INAVA: variants seen among roughly 807,000 people sequenced by gnomAD.
The protein encoded by INAVA is innate immunity activator.
Under a neutral mutation model 55.3 loss-of-function variants are expected in INAVA, and 32 were observed. That is an observed-to-expected ratio of 0.58 (90% CI 0.44 to 0.78). The LOEUF (loss-of-function observed/expected upper bound fraction) is 0.78, where lower values mean the gene tolerates loss of function less well. INAVA is among the 30% of genes least tolerant of loss of function. INAVA has a pLI of 0.00. For missense variants in INAVA, 756 were observed against 786.4 expected, an observed-to-expected ratio of 0.96 and a Z score of 0.46; for synonymous variants, 294 against 329.4, an observed-to-expected ratio of 0.89 and a Z score of 1.16.
intron 5 of INAVA, among the ~76,000 whole-genome samples, chr1:200,905,778 C>CA (rs1293188047): frequency 1.9e-4 from 29 of 152,358 alleles, no homozygotes; most frequent in South Asian, 1.2e-3. Flanking sequence ...GACCCCTGGG[C>CA]CATAGTTTGC....
chr1:200,910,961 G>C (rs1039324300), intron 8 of INAVA, among the ~76,000 whole-genome samples: 1 of 152,042 alleles, frequency 6.6e-6, no homozygotes, highest in African/African-American at 2.4e-5. Flanking sequence ...AGTGCCTACC[G>C]AACAGATGCT....
In INAVA at chr1:200,911,944, C is replaced by T. The variant is rs1261425319; in HGVS notation, c.1451C>T (p.Pro484Leu). ...TCCCGCAGCCGCATCGTGCGGACGCCCTCCCTGAAGGACAGCCCGGCAGGC... is the reference window on the plus strand; with the variant it reads ...TCCCGCAGCCGCATCGTGCGGACGCTCTCCCTGAAGGACAGCCCGGCAGGC... ...VPSRSRIVRTPSLKDSPAGRG... is the reference protein window; with the variant it reads ...VPSRSRIVRTLSLKDSPAGRG... The change falls in exon 9 of 10, where the codon CCC becomes CTC. Residue 484 changes from proline (P) to leucine (L), a missense_variant. Coordinates refer to ENST00000413687, the MANE Select transcript of INAVA (RefSeq NM_001142569.3). 8 of 1,551,560 alleles carry T rather than the reference C, an allele frequency of 5.2e-6. No individual in the cohort carries two copies. In the South Asian group the frequency reaches 9.4e-5, roughly 18 times the overall value.
At chr1:200,894,896 G>A, upstream of INAVA, 1 of 985,726 alleles carries the variant, frequency 1.0e-6, no homozygotes, top group Non-Finnish European at 1.2e-6. Flanking sequence ...GGTTCCCCTG[G>A]CCCGGCAGCC....
Position 200,900,111 on chromosome 1 carries a change from C to A in INAVA, c.188C>A (p.Thr63Lys). ...RRLCLREAEL[T>K]GTLPAEYPLK... ...TCTCTGCTTCCTCCCCAGGAGCTGACGGGCACCTTGCCAGCGGAGTATCCC... is the reference window on the plus strand; with the variant it reads ...TCTCTGCTTCCTCCCCAGGAGCTGAAGGGCACCTTGCCAGCGGAGTATCCC... The change falls in exon 4 of 10, where the codon ACG (threonine) becomes AAG (lysine). Residue 63 changes from threonine (T) to lysine (K), a missense_variant. Physicochemically the swap from Thr to Lys is moderately conservative, Grantham distance 78 (BLOSUM62 -1). Transcript: ENST00000413687. 1 of 1,611,966 alleles carries A rather than the reference C, an allele frequency of 6.2e-7. No homozygotes were observed. The highest frequency in any genetic ancestry group is 8.5e-7 in the Non-Finnish European group (1 of 1,178,908).
rs376201031 is a variant in INAVA, at chr1:200,899,460, C to A, written c.56-13C>A. On this transcript the variant is annotated splice_polypyrimidine_tract_variant and intron_variant, in intron 2 of 9. Coordinates refer to ENST00000413687, the MANE Select transcript of INAVA (RefSeq NM_001142569.3). ...TTCAGCCTCCCTGAGCATGTGCCCC[C>A]CAACCCTTGCAGGCCCCGACAGCCC... The A allele has an allele frequency of 2.5e-6, 4 of 1,613,830 alleles. No homozygotes were observed. Among genetic ancestry groups the A allele is most frequent in the Non-Finnish European group, 3.4e-6 (4 of 1,179,990 alleles).
intron 5 of INAVA, among the ~76,000 whole-genome samples, chr1:200,904,380 G>A (rs1170403661): frequency 1.3e-5 from 2 of 152,196 alleles, no homozygotes; most frequent in East Asian, 1.9e-4. Flanking sequence ...GAGCCACTGC[G>A]CCTGGCCGCT....
In INAVA at chr1:200,899,365, G is replaced by C. The variant is rs547538799; in HGVS notation, c.56-108G>C. ...TTGTGGGCAGGCATGAGATGTGTGT[G>C]TGTGTGTGCATGTGTGTGCATGTGC... On this transcript the variant is annotated intron_variant, in intron 2 of 9. Coordinates refer to ENST00000413687, the MANE Select transcript of INAVA (RefSeq NM_001142569.3). The C allele has an allele frequency of 6.2e-4, 892 of 1,435,692 alleles. 4 individuals are homozygous for C. The African/African-American group carries it at 0.011, about 18-fold the overall frequency. The allele number at this position is 1,435,692 out of a possible 1,614,324, so 88.9% of individuals were successfully genotyped here.
chr1:200,901,598 A>G (rs1162805115), intron 5 of INAVA, among the ~76,000 whole-genome samples: 1 of 152,162 alleles, frequency 6.6e-6, no homozygotes, highest in Non-Finnish European at 1.5e-5. Context: ...CCCTGGCCTG[A>G]GTTAGGCAGC....
intron 9 of INAVA, among the ~76,000 whole-genome samples, chr1:200,912,661 G>A (rs1653801266): frequency 6.6e-6 from 1 of 152,076 alleles, no homozygotes; most frequent in Non-Finnish European, 1.5e-5. Context: ...AGACCACCAG[G>A]TTCAAATCCC....
At chr1:200,911,136 AAAAAAGT>A (rs1292193068) in intron 8 of INAVA, among the ~76,000 whole-genome samples, 17 of 19,160 alleles carry the variant, frequency 8.9e-4, no homozygotes, top group Non-Finnish European at 9.3e-4. Flanking sequence ...TAGTACTTTA[AAAAAAGT>A]ACTTAATGTA....
chr1:200,910,131 AACAC>A (rs1285521994), intron 8 of INAVA, among the ~76,000 whole-genome samples: 1 of 152,172 alleles, frequency 6.6e-6, no homozygotes, highest in African/African-American at 2.4e-5. Flanking sequence ...TCAAAGCAAA[AACAC>A]ACACAGTACA....
intron 1 of INAVA, among the ~76,000 whole-genome samples, chr1:200,897,755 G>A (rs1312699539): frequency 2.0e-5 from 3 of 152,076 alleles, no homozygotes; most frequent in African/African-American, 7.2e-5. Context: ...TCAGCCTCCT[G>A]AGTAGCTGGG....
rs1653143488 is a variant in INAVA at position 200,899,605 on chromosome 1, C to T, written c.180+8C>T. 3 of 1,611,436 alleles carry T rather than the reference C, an allele frequency of 1.9e-6. No homozygotes were observed. Among genetic ancestry groups the T allele is most frequent in the South Asian group, 1.1e-5 (1 of 90,818 alleles). ...CTCTGCCTTCGGGAAGCGGTGAGGC[C>T]CCAGCCAGCACACACAAGCATCGGG... On this transcript the variant is annotated splice_region_variant and intron_variant, in intron 3 of 9. Coordinates refer to ENST00000413687, the MANE Select transcript of INAVA (RefSeq NM_001142569.3).
Position 200,913,593 on chromosome 1 carries a change from T to C in INAVA, c.1701T>C (p.Phe567=). 1 of 1,614,090 alleles carries C rather than the reference T, an allele frequency of 6.2e-7. No individual in the cohort carries two copies. The highest frequency in any genetic ancestry group is 8.5e-7 in the Non-Finnish European group (1 of 1,180,002). Residue 567 remains phenylalanine, a synonymous_variant, in exon 10 of 10, where the codon TTT becomes TTC. Coordinates refer to ENST00000413687, the MANE Select transcript of INAVA (RefSeq NM_001142569.3). ...CTGATGGGGCCCCTGTGCAAGTCTT[T>C]GTACCTGAAAAAGGAGAGATCATCA... The part of the protein sequence containing the change: ...RSPDGAPVQV[F]VPEKGEIISQ...
intron 5 of INAVA, among the ~76,000 whole-genome samples, chr1:200,907,014 C>T (rs1653520080): frequency 6.6e-6 from 1 of 152,028 alleles, no homozygotes; most frequent in East Asian, 1.9e-4. Context: ...TTTGTAGAGA[C>T]CAGATTTCAC....
At chr1:200,908,989 T>A in intron 7 of INAVA, 49 bp downstream of exon 7, 1 of 1,564,230 alleles carries the variant, frequency 6.4e-7, no homozygotes, top group Non-Finnish European at 8.7e-7. Context: ...AGGGAGTCGG[T>A]GGGAGCTATG....
At chr1:200,891,569 T>C (rs201518657), upstream of INAVA, 113 of 1,600,340 alleles carry the variant, frequency 7.1e-5, no homozygotes, top group Non-Finnish European at 9.3e-5. Flanking sequence ...TTAAATGAAA[T>C]ACCTCCGGGG....
chr1:200,913,415 T>G, intron 9 of INAVA, 122 bp from the exon 10 acceptor site: 1 of 715,832 alleles, frequency 1.4e-6, no homozygotes, highest in Non-Finnish European at 2.4e-6. Context: ...CAGGGCCTGC[T>G]GCTGCTGCTG....
At chr1:200,893,838 A>C (rs1468343906), upstream of INAVA, among the ~76,000 whole-genome samples, 1 of 151,072 alleles carries the variant, frequency 6.6e-6, no homozygotes, top group Non-Finnish European at 1.5e-5. Context: ...TCATCCCTGC[A>C]CTTGGGGGTA....
Sources: gnomAD v4.1 joint callset for allele counts (sites outside exome capture counted in the v4.1 genomes callset) on GRCh38, gnomAD v4.1.1 for gene constraint, MANE v1.5 for transcripts, NCBI Gene and HGNC (gene_info 2026-07-23, HGNC 2026-07-21) for gene names.